Variants in GALNTL6 observed in about 807,000 individuals in gnomAD.
The protein encoded by GALNTL6 is polypeptide N-acetylgalactosaminyltransferase like 6, also known as polypeptide N-acetylgalactosaminyltransferase-like 6.
A neutral mutation model predicts 73.7 loss-of-function variants in GALNTL6; 46 were observed. The observed-to-expected ratio is 0.62, with a 90% CI of 0.49 to 0.80. The LOEUF (loss-of-function observed/expected upper bound fraction) is 0.80, where lower values mean the gene tolerates loss of function less well. GALNTL6 is among the 30% of genes least tolerant of loss of function. The probability of loss-of-function intolerance (pLI) is 0.00; values close to 1 mark genes in which losing one functional copy is unlikely to be tolerated. For synonymous variants in GALNTL6, 259 were observed against 263.7 expected (o/e 0.98, Z 0.17); for missense variants, 604 against 755.0 (o/e 0.80, Z 2.34).
intron 8 of GALNTL6, among the ~76,000 whole-genome samples, chr4:172,914,138 C>T (rs1747368121): frequency 6.6e-6 from 1 of 152,136 alleles, no homozygotes; most frequent in Non-Finnish European, 1.5e-5. Flanking sequence ...ATTTCATATC[C>T]AGCCAAACTA....
At chr4:171,995,516 T>C (rs1434295921) in intron 2 of GALNTL6, among the ~76,000 whole-genome samples, 1 of 152,026 alleles carries the variant, frequency 6.6e-6, no homozygotes, top group African/African-American at 2.4e-5. Context: ...TTTTTTAATG[T>C]ATTCATCTGA....
chr4:172,442,929 G>T (rs1466622363), intron 5 of GALNTL6, among the ~76,000 whole-genome samples: 2 of 151,650 alleles, frequency 1.3e-5, no homozygotes, highest in Admixed American at 6.6e-5. Context: ...AAGCTACTGA[G>T]TTTTCTAATA....
rs138914130 is a variant in GALNTL6 at position 172,063,780 on chromosome 4, C to T, written c.139-165876C>T. Among the ~76,000 whole-genome samples, 926 of 152,110 alleles carry T rather than the reference C, an allele frequency of 6.1e-3. 9 individuals are homozygous for T. Among genetic ancestry groups the T allele is most frequent in the African/African-American group, 0.022 (894 of 41,512 alleles). On this transcript the variant is annotated intron_variant, in intron 2 of 12. Transcript: ENST00000506823. ...TAAACTTTATATCATTTTTATTGTT[C>T]TTATTTGGACTCTCCCCAATTTAAC...
chr4:172,537,088 G>A (rs1406786256), intron 5 of GALNTL6, among the ~76,000 whole-genome samples: 1 of 152,136 alleles, frequency 6.6e-6, no homozygotes, highest in Non-Finnish European at 1.5e-5. Context: ...GGTTTTACAG[G>A]CTAATAGGTG....
At chr4:172,526,506 A>G (rs927225309) in intron 5 of GALNTL6, among the ~76,000 whole-genome samples, 5 of 152,198 alleles carry the variant, frequency 3.3e-5, no homozygotes, top group African/African-American at 9.6e-5. Flanking sequence ...TGACTTGTTT[A>G]ATCTCCGACT....
intron 2 of GALNTL6, among the ~76,000 whole-genome samples, chr4:172,157,992 T>G (rs573294254): frequency 1.3e-5 from 2 of 152,286 alleles, no homozygotes; most frequent in East Asian, 1.9e-4. Flanking sequence ...ACAGCAAACT[T>G]TCACCAGAAA....
At chr4:172,381,121 C>G (rs1232201223) in intron 5 of GALNTL6, among the ~76,000 whole-genome samples, 4 of 152,152 alleles carry the variant, frequency 2.6e-5, no homozygotes, top group Non-Finnish European at 4.4e-5. Flanking sequence ...TTAAAAATTC[C>G]TGTGAAGATT....
intron 5 of GALNTL6, among the ~76,000 whole-genome samples, chr4:172,641,966 T>C (rs1276622443): frequency 6.6e-6 from 1 of 152,006 alleles, no homozygotes; most frequent in African/African-American, 2.4e-5. Context: ...GGCCAACAGG[T>C]ATATGAAAGA....
chr4:172,770,122 T>C (rs1738676146), intron 5 of GALNTL6, among the ~76,000 whole-genome samples: 1 of 151,782 alleles, frequency 6.6e-6, no homozygotes, highest in Non-Finnish European at 1.5e-5. Context: ...AAAAATTAGC[T>C]GGGCGTTGTG....
chr4:172,369,740 G>A (rs998179963), intron 5 of GALNTL6, among the ~76,000 whole-genome samples: 33 of 152,278 alleles, frequency 2.2e-4, no homozygotes, highest in Non-Finnish European at 3.7e-4. Flanking sequence ...GCCCGGGGCC[G>A]GTGGTACAGG....
intron 3 of GALNTL6, among the ~76,000 whole-genome samples, chr4:172,248,614 G>A (rs973441028): frequency 2.0e-5 from 3 of 152,106 alleles, no homozygotes; most frequent in African/African-American, 7.2e-5. Flanking sequence ...GTTTGGCTGT[G>A]TCCCCACCCA....
chr4:171,988,217 A>ATG (rs1740174704), intron 2 of GALNTL6, among the ~76,000 whole-genome samples: 1 of 152,142 alleles, frequency 6.6e-6, no homozygotes. Flanking sequence ...TTCTGACCGC[A>ATG]CTAAGCATGC....
intron 2 of GALNTL6, among the ~76,000 whole-genome samples, chr4:171,823,349 A>T (rs1734733680): frequency 6.6e-6 from 1 of 152,092 alleles, no homozygotes; most frequent in Non-Finnish European, 1.5e-5. Context: ...TTGAGGGGAC[A>T]GTCCCAAGGA....
rs549188347 is a variant in GALNTL6 at position 172,561,072 on chromosome 4, T to G, written c.553+212383T>G. On this transcript the variant is annotated intron_variant, in intron 5 of 12. Coordinates refer to ENST00000506823, the MANE Select transcript of GALNTL6 (RefSeq NM_001034845.3). ...ATCGAGACCATCCTGGCTAACAAGGTGAAACCCCATCTCTACTAAAAATAC... is the reference window on the plus strand; with the variant it reads ...ATCGAGACCATCCTGGCTAACAAGGGGAAACCCCATCTCTACTAAAAATAC... Among the ~76,000 whole-genome samples the G allele has an allele frequency of 6.2e-3, 935 of 150,914 alleles. 3 individuals carry two copies. Among genetic ancestry groups the G allele is most frequent in the Non-Finnish European group, 0.011 (713 of 67,724 alleles).
chr4:172,559,484 A>G (rs1736274390), intron 5 of GALNTL6, among the ~76,000 whole-genome samples: 1 of 152,172 alleles, frequency 6.6e-6, no homozygotes, highest in Admixed American at 6.5e-5. Flanking sequence ...AAGACCAGGC[A>G]TTTTTCAGAC....
At chr4:172,564,113 T>C (rs1022253631) in intron 5 of GALNTL6, among the ~76,000 whole-genome samples, 6 of 152,228 alleles carry the variant, frequency 3.9e-5, no homozygotes, top group Non-Finnish European at 7.3e-5. Context: ...CTCTCGTGTC[T>C]TAAAGAACTC....
intron 5 of GALNTL6, among the ~76,000 whole-genome samples, chr4:172,793,298 A>G (rs1740097378): frequency 6.6e-6 from 1 of 152,188 alleles, no homozygotes; most frequent in Non-Finnish European, 1.5e-5. Flanking sequence ...TAGGGATTTG[A>G]TCTAGCACAA....
At chr4:172,462,565 C>A (rs1732656964) in intron 5 of GALNTL6, among the ~76,000 whole-genome samples, 1 of 152,134 alleles carries the variant, frequency 6.6e-6, no homozygotes, top group South Asian at 2.1e-4. Flanking sequence ...GGGAGTGTGC[C>A]TGCCAAATGA....
intron 12 of GALNTL6, among the ~76,000 whole-genome samples, chr4:173,024,143 GA>G (rs200912171): frequency 3.3e-5 from 5 of 151,820 alleles, no homozygotes; most frequent in Admixed American, 6.6e-5. Flanking sequence ...CTCCTGGGGA[GA>G]AAAAAAACTG....
Sources: gnomAD v4.1 joint callset for allele counts (sites outside exome capture counted in the v4.1 genomes callset) on GRCh38, gnomAD v4.1.1 for gene constraint, MANE v1.5 for transcripts, NCBI Gene and HGNC (gene_info 2026-07-23, HGNC 2026-07-21) for gene names.